ARHGEF4: variants seen among roughly 807,000 people sequenced by gnomAD.
ARHGEF4 encodes the protein Rho guanine nucleotide exchange factor 4.
A neutral mutation model predicts 162.0 loss-of-function variants in ARHGEF4; 119 were observed. The ratio of observed to expected loss-of-function variants is 0.73; its 90% CI spans 0.63 to 0.86. The LOEUF (loss-of-function observed/expected upper bound fraction) is 0.86, where lower values mean the gene tolerates loss of function less well. Among genes scored for constraint, ARHGEF4 ranks in the 40% least tolerant of loss-of-function variants. The probability of loss-of-function intolerance (pLI) is 0.00; values close to 1 mark genes in which losing one functional copy is unlikely to be tolerated. For synonymous variants in ARHGEF4, 1,014 were observed against 979.9 expected (o/e 1.03, Z -0.65); for missense variants, 2,488 against 2,456.0 (o/e 1.01, Z -0.28).
At chr2:130,870,140 T>A (rs894747043) in intron 1 of ARHGEF4, among the ~76,000 whole-genome samples, 1 of 152,176 alleles carries the variant, frequency 6.6e-6, no homozygotes, top group Non-Finnish European at 1.5e-5. Context: ...AAGACGCTGC[T>A]GGAGGGTGGG....
Position 130,867,483 on chromosome 2 carries a change from G to A in ARHGEF4, c.39+30491G>A, listed in dbSNP as rs150863958. ...GAACTCCTGACCTCGTGATCTGCCC[G>A]CCTTAGCCTCCCAAAGTGCTGGGAT... On this transcript the variant is annotated intron_variant, in intron 1 of 13. Transcript: ENST00000409359. 5.5e-3 allele frequency among the ~76,000 whole-genome samples: 841 copies of A among 152,036 alleles called. 6 individuals carry two copies. The highest frequency in any genetic ancestry group is 0.018 in the African/African-American group (743 of 41,484).
chr2:130,968,008 T>A (rs1336738818), intron 4 of ARHGEF4, among the ~76,000 whole-genome samples: 1 of 152,138 alleles, frequency 6.6e-6, no homozygotes, highest in Non-Finnish European at 1.5e-5. Context: ...TGGAGGTCAG[T>A]TATTTAGGCA....
At chr2:130,849,619 A>T (rs531028178) in intron 1 of ARHGEF4, among the ~76,000 whole-genome samples, 59 of 149,084 alleles carry the variant, frequency 4.0e-4, no homozygotes, top group African/African-American at 1.4e-3. Flanking sequence ...CCCAGGCTGG[A>T]GTGCAGTGGC....
At chr2:130,880,939 C>T (rs16856260) in intron 1 of ARHGEF4, among the ~76,000 whole-genome samples, 4,180 of 152,040 alleles carry the variant, frequency 0.027, 166 homozygotes, top group African/African-American at 0.095. Flanking sequence ...AGCTAAATAA[C>T]AGTATGGTAT....
chr2:130,886,663 A>T (rs1679546094), intron 1 of ARHGEF4, among the ~76,000 whole-genome samples: 1 of 150,236 alleles, frequency 6.7e-6, no homozygotes, highest in African/African-American at 2.5e-5. Flanking sequence ...CCTGGGTGGC[A>T]GACCGAGACT....
intron 1 of ARHGEF4, among the ~76,000 whole-genome samples, chr2:130,868,504 G>T (rs1053251575): frequency 6.6e-6 from 1 of 152,090 alleles, no homozygotes; most frequent in African/African-American, 2.4e-5. Flanking sequence ...GACCAGCTGC[G>T]GTCTGAGGCG....
intron 1 of ARHGEF4, among the ~76,000 whole-genome samples, chr2:130,850,639 C>T (rs1450918050): frequency 1.3e-5 from 2 of 152,218 alleles, no homozygotes; most frequent in Non-Finnish European, 2.9e-5. Flanking sequence ...GTGGGGGCTA[C>T]AGTGCCCCAA....
intron 4 of ARHGEF4, among the ~76,000 whole-genome samples, chr2:130,986,637 G>A (rs776271547): frequency 3.3e-4 from 50 of 152,284 alleles, no homozygotes; most frequent in African/African-American, 1.2e-3. Context: ...GGTGACCACC[G>A]GACGGTCTTG....
intron 5 of ARHGEF4, among the ~76,000 whole-genome samples, chr2:131,038,602 C>T (rs974370467): frequency 9.2e-5 from 14 of 152,338 alleles, no homozygotes; most frequent in African/African-American, 3.1e-4. Context: ...GTTGGCAGTC[C>T]CAGTGACAGG....
intron 2 of ARHGEF4, among the ~76,000 whole-genome samples, chr2:130,926,502 T>C (rs2105090513): frequency 6.6e-6 from 1 of 152,296 alleles, no homozygotes; most frequent in Middle Eastern, 3.4e-3. Flanking sequence ...GGAGTCTTTG[T>C]ATCTTATTTA....
intron 1 of ARHGEF4, among the ~76,000 whole-genome samples, chr2:130,911,858 C>T (rs1285294592): frequency 6.6e-6 from 1 of 152,230 alleles, no homozygotes; most frequent in African/African-American, 2.4e-5. Flanking sequence ...AGCCCACTGG[C>T]ATTCTAGTCA....
intron 3 of ARHGEF4, among the ~76,000 whole-genome samples, chr2:130,945,239 C>T (rs1683534345): frequency 6.6e-6 from 1 of 151,988 alleles, no homozygotes; most frequent in Non-Finnish European, 1.5e-5. Flanking sequence ...CCCTCCTTTC[C>T]TAGTTTTCTT....
chr2:130,881,793 G>T (rs949623500), intron 1 of ARHGEF4, among the ~76,000 whole-genome samples: 1 of 152,152 alleles, frequency 6.6e-6, no homozygotes, highest in African/African-American at 2.4e-5. Flanking sequence ...CGTGCAGCCA[G>T]TGAGGACCAC....
At chr2:131,007,630 G>T (rs577769862) in intron 4 of ARHGEF4, among the ~76,000 whole-genome samples, 3 of 151,540 alleles carry the variant, frequency 2.0e-5, no homozygotes, top group Non-Finnish European at 2.9e-5. Context: ...TAACTATTTC[G>T]TATGCAACCT....
At chr2:131,017,217 GC>G (rs1181760151) in intron 4 of ARHGEF4, among the ~76,000 whole-genome samples, 19 of 152,288 alleles carry the variant, frequency 1.2e-4, no homozygotes, top group African/African-American at 4.6e-4. Flanking sequence ...ACCCACAGTA[GC>G]TTTGTAAGAG....
At chr2:130,999,438 G>A (rs986437912) in intron 4 of ARHGEF4, among the ~76,000 whole-genome samples, 2 of 152,140 alleles carry the variant, frequency 1.3e-5, no homozygotes, top group African/African-American at 4.8e-5. Flanking sequence ...TTACAGGCAT[G>A]AGCCACTGTG....
rs536446712 is a variant in ARHGEF4 at position 131,015,716 on chromosome 2, A to G, written c.3986-12229A>G. On this transcript the variant is annotated intron_variant, in intron 4 of 13. Transcript: ENST00000409359. ...AGCCTAGCGAACATGGCAAAACCCC[A>G]TCTCTACTAAAAATAGAAACAAACT... is the stretch of plus-strand genomic sequence containing the variant. Among the ~76,000 whole-genome samples, 45 of 152,342 alleles carry G rather than the reference A, an allele frequency of 3.0e-4. No homozygotes were observed. The South Asian group carries it at 3.7e-3, about 13-fold the overall frequency.
Position 131,046,203 on chromosome 2 carries a change from T to C in ARHGEF4, c.*14T>C, listed in dbSNP as rs1424343551. On this transcript the variant is annotated 3_prime_UTR_variant, in exon 14 of 14. Transcript: ENST00000409359. ...TTCCGCAAGTGAACTGGTCCCTGCC[T>C]GACAGCACCTGCTGGGCCTTCCTGC... 1.2e-6 allele frequency: 2 copies of C among 1,600,948 alleles called. No homozygotes were observed. The highest frequency in any genetic ancestry group is 8.5e-7 in the Non-Finnish European group (1 of 1,171,670).
intron 9 of ARHGEF4, 167 bp from the exon 10 acceptor site, chr2:131,041,648 G>A: frequency 2.6e-6 from 3 of 1,166,608 alleles, no homozygotes; most frequent in Non-Finnish European, 3.6e-6. Flanking sequence ...GCTCTGCTCT[G>A]TGCTTGCCAT....
Sources: allele counts gnomAD v4.1 joint callset (sites outside exome capture counted in the v4.1 genomes callset), GRCh38; gene constraint gnomAD v4.1.1; transcripts MANE v1.5; gene names NCBI Gene and HGNC (gene_info 2026-07-23, HGNC 2026-07-21).